The following DLG1 variants were observed in gnomAD, a reference collection of about 807,000 sequenced individuals.
The protein encoded by DLG1 is discs large MAGUK scaffold protein 1.
Under a neutral mutation model 123.4 loss-of-function variants are expected in DLG1, and 42 were observed. That is an observed-to-expected ratio of 0.34 (90% CI 0.27 to 0.44). DLG1 has a LOEUF of 0.44. Ranked by LOEUF, DLG1 falls within the 20% of genes least tolerant of loss-of-function variation. The pLI, the probability that DLG1 is intolerant of heterozygous loss-of-function variation, is 1.00. For synonymous variants in DLG1, 317 were observed against 356.2 expected, an observed-to-expected ratio of 0.89 and a Z score of 1.24; for missense variants, 942 against 1,082.6, an observed-to-expected ratio of 0.87 and a Z score of 1.82.
intron 17 of DLG1, chr3:197,080,440 G>C (rs1345726074): frequency 7.1e-6 from 1 of 140,604 alleles, no homozygotes; most frequent in Non-Finnish European, 1.5e-5. Flanking sequence ...CATCACGCCT[G>C]GCTAATTTTT....
At chr3:197,277,504 C>T (rs1018949431) in intron 4 of DLG1, among the ~76,000 whole-genome samples, 6 of 152,182 alleles carry the variant, frequency 3.9e-5, no homozygotes, top group Non-Finnish European at 8.8e-5. Flanking sequence ...CCACACCTGG[C>T]TAATTTTTGT....
chr3:197,142,817 A>C (rs7628652), intron 6 of DLG1, 49 bp from the exon 7 acceptor site: 1 of 1,548,446 alleles, frequency 6.5e-7, no homozygotes, highest in South Asian at 1.2e-5. Context: ...TGTAAAATCC[A>C]AAATGGCAAG....
intron 4 of DLG1, among the ~76,000 whole-genome samples, chr3:197,250,980 CAAAAA>C (rs34378051): frequency 5.7e-5 from 5 of 87,104 alleles, no homozygotes; most frequent in South Asian, 3.7e-4. Flanking sequence ...AAGACTCCAT[CAAAAA>C]AAAAAAAAAA....
At chr3:197,176,822 G>C (rs1211177223) in intron 5 of DLG1, among the ~76,000 whole-genome samples, 1 of 152,086 alleles carries the variant, frequency 6.6e-6, no homozygotes, top group African/African-American at 2.4e-5. Flanking sequence ...AAATACCAAG[G>C]AGTACAACTG....
intron 4 of DLG1, among the ~76,000 whole-genome samples, chr3:197,259,992 T>C (rs905717930): frequency 2.0e-5 from 3 of 152,190 alleles, no homozygotes; most frequent in Non-Finnish European, 2.9e-5. Flanking sequence ...TTAAATATAA[T>C]CAGGACTTTA....
intron 4 of DLG1, among the ~76,000 whole-genome samples, chr3:197,258,630 A>G (rs1485482020): frequency 6.6e-6 from 1 of 152,208 alleles, no homozygotes; most frequent in Non-Finnish European, 1.5e-5. Flanking sequence ...ATAAAATTAC[A>G]TCAACTACAC....
chr3:197,145,246 G>A (rs1790163729), intron 6 of DLG1, among the ~76,000 whole-genome samples: 1 of 152,072 alleles, frequency 6.6e-6, no homozygotes, highest in South Asian at 2.1e-4. Context: ...AAGGTTATTT[G>A]CATCATCTTG....
intron 5 of DLG1, among the ~76,000 whole-genome samples, chr3:197,179,219 G>T (rs1311685922): frequency 6.6e-6 from 1 of 152,140 alleles, no homozygotes; most frequent in Non-Finnish European, 1.5e-5. Context: ...AGGGATTTAG[G>T]ATCTAAAAAT....
intron 23 of DLG1, among the ~76,000 whole-genome samples, chr3:197,057,181 G>A (rs752233810): frequency 6.6e-6 from 1 of 152,040 alleles, no homozygotes; most frequent in Non-Finnish European, 1.5e-5. Flanking sequence ...CTGGGCTCAA[G>A]GGATCCTCCT....
chr3:197,076,156 C>T (rs1335526750), intron 18 of DLG1, among the ~76,000 whole-genome samples: 1 of 152,132 alleles, frequency 6.6e-6, no homozygotes, highest in Non-Finnish European at 1.5e-5. Context: ...AGATTGTCTA[C>T]ATATAATGAA....
chr3:197,095,674 T>C (rs1760255179), intron 14 of DLG1, among the ~76,000 whole-genome samples: 2 of 152,236 alleles, frequency 1.3e-5, no homozygotes, highest in Non-Finnish European at 2.9e-5. Flanking sequence ...TTCTCTACTG[T>C]AAAGTTACTT....
chr3:197,250,752 T>C (rs1343115267), intron 4 of DLG1, among the ~76,000 whole-genome samples: 1 of 151,808 alleles, frequency 6.6e-6, no homozygotes, highest in Non-Finnish European at 1.5e-5. Flanking sequence ...TCCAGCACTT[T>C]GGGAGGCTGA....
intron 4 of DLG1, chr3:197,226,323 T>C (rs1251232136): frequency 1.4e-4 from 22 of 152,172 alleles, no homozygotes. Context: ...CTTGCTGCAG[T>C]ACAAGCTCTG....
intron 4 of DLG1, among the ~76,000 whole-genome samples, chr3:197,247,046 G>A (rs114241113): frequency 0.016 from 2,464 of 152,306 alleles, 29 homozygotes; most frequent in Non-Finnish European, 0.025. Context: ...TCCCATAGGG[G>A]TTATTTAATA....
chr3:197,095,160 T>C (rs1457478693), intron 14 of DLG1, among the ~76,000 whole-genome samples: 2 of 152,210 alleles, frequency 1.3e-5, no homozygotes, highest in Admixed American at 1.3e-4. Flanking sequence ...CTGTTTTTCC[T>C]GAACCATTTG....
At chr3:197,257,539 T>C (rs1275365584) in intron 4 of DLG1, among the ~76,000 whole-genome samples, 1 of 152,194 alleles carries the variant, frequency 6.6e-6, no homozygotes, top group African/African-American at 2.4e-5. Flanking sequence ...AAAAAGAGGC[T>C]GACAAAGCAG....
rs1721520902 is a variant in DLG1 at position 197,044,185 on chromosome 3, C to G, written c.*438G>C. ...GAGAAAAGGACTTGAGAGTAATACACTGGCCAAACCATGCTATTAAACTGA... is the reference window on the plus strand; with the variant it reads ...GAGAAAAGGACTTGAGAGTAATACAGTGGCCAAACCATGCTATTAAACTGA... On this transcript the variant is annotated 3_prime_UTR_variant, in exon 25 of 25. Coordinates refer to ENST00000667157, the MANE Select transcript of DLG1 (RefSeq NM_001366207.1). 2 of 152,720 alleles carry G rather than the reference C, an allele frequency of 1.3e-5. No individual in the cohort carries two copies. The highest frequency in any genetic ancestry group is 4.8e-5 in the African/African-American group (2 of 41,466). The allele number at this position is 152,720 out of a possible 1,614,324, so 9.5% of individuals were successfully genotyped here. A position where few individuals can be genotyped will look rare whatever the true frequency, so the allele number is the denominator to read the frequency against.
At chr3:197,289,257 T>C (rs2151220039) in intron 3 of DLG1, among the ~76,000 whole-genome samples, 1 of 152,322 alleles carries the variant, frequency 6.6e-6, no homozygotes, top group East Asian at 1.9e-4. Context: ...ATTTTAAGTA[T>C]CAATTCTCAC....
chr3:197,176,329 T>G lies in DLG1; in HGVS notation c.483+18096A>C, dbSNP rs561204676. Among the ~76,000 whole-genome samples, 3 of 151,696 alleles carry G rather than the reference T, an allele frequency of 2.0e-5. No individual in the cohort carries two copies. In the South Asian group the frequency reaches 6.4e-4, roughly 33 times the overall value. The stretch of plus-strand genomic sequence containing the variant: ...GAGCCCACACTGCCACATCACAAAG[T>G]CCATAATTTACATGAGAGTTGACTG... On this transcript the variant is annotated intron_variant, in intron 5 of 24. Transcript: ENST00000667157.
Sources: allele counts gnomAD v4.1 joint callset (sites outside exome capture counted in the v4.1 genomes callset), GRCh38; gene constraint gnomAD v4.1.1; transcripts MANE v1.5; gene names NCBI Gene and HGNC (gene_info 2026-07-23, HGNC 2026-07-21).